LCORL: variants seen among roughly 807,000 people sequenced by gnomAD.
LCORL encodes the protein ligand-dependent nuclear receptor corepressor-like protein.
Under a neutral mutation model 141.8 loss-of-function variants are expected in LCORL, and 41 were observed. The ratio of observed to expected loss-of-function variants is 0.29; its 90% CI spans 0.23 to 0.38. The LOEUF is 0.38. Ranked by LOEUF, LCORL falls within the 10% of genes least tolerant of loss-of-function variation. LCORL has a pLI of 1.00. For missense variants in LCORL, 1,759 were observed against 2,035.0 expected (o/e 0.86, Z 2.61); for synonymous variants, 618 against 694.1 (o/e 0.89, Z 1.72).
At chr4:17,882,985 T>G (rs915240178) in intron 6 of LCORL, 106 of 941,262 alleles carry the variant, frequency 1.1e-4, no homozygotes, top group Non-Finnish European at 1.2e-4. Flanking sequence ...TACTCCATCT[T>G]ATTATATTAA....
intron 4 of LCORL, among the ~76,000 whole-genome samples, chr4:17,961,413 T>G (rs1713761562): frequency 6.6e-6 from 1 of 152,064 alleles, no homozygotes. Flanking sequence ...CATTGATTTT[T>G]TTAATGTCTA....
At chr4:17,984,376 C>A (rs187275959) in intron 1 of LCORL, among the ~76,000 whole-genome samples, 4 of 151,990 alleles carry the variant, frequency 2.6e-5, no homozygotes, top group African/African-American at 7.3e-5. Context: ...TGGTAGAATT[C>A]GGCTGTGAAT....
At chr4:17,996,516 T>C (rs996135955) in intron 1 of LCORL, among the ~76,000 whole-genome samples, 1 of 152,002 alleles carries the variant, frequency 6.6e-6, no homozygotes, top group Non-Finnish European at 1.5e-5. Context: ...AGAAGACTGA[T>C]AGTGAGTGAA....
At chr4:17,991,708 T>A (rs1208031197) in intron 1 of LCORL, among the ~76,000 whole-genome samples, 1 of 152,194 alleles carries the variant, frequency 6.6e-6, no homozygotes, top group African/African-American at 2.4e-5. Context: ...CCAAATTTAT[T>A]ACAAATAGAC....
intron 4 of LCORL, among the ~76,000 whole-genome samples, chr4:17,952,178 C>A (rs1006129574): frequency 6.6e-6 from 1 of 151,998 alleles, no homozygotes; most frequent in African/African-American, 2.4e-5. Flanking sequence ...TTACTGACTG[C>A]CATATTAGAG....
intron 6 of LCORL, among the ~76,000 whole-genome samples, chr4:17,878,552 G>A (rs1444516195): frequency 6.6e-6 from 1 of 151,190 alleles, no homozygotes; most frequent in Admixed American, 6.6e-5. Flanking sequence ...TTATGAAGTA[G>A]CCATTTTATA....
chr4:17,989,149 G>T (rs759869114), intron 1 of LCORL, among the ~76,000 whole-genome samples: 2 of 152,096 alleles, frequency 1.3e-5, no homozygotes, highest in Non-Finnish European at 2.9e-5. Flanking sequence ...AACGACAATT[G>T]TAATTCCTCT....
intron 1 of LCORL, among the ~76,000 whole-genome samples, chr4:17,986,947 C>T (rs1049750259): frequency 3.9e-5 from 6 of 151,900 alleles, no homozygotes; most frequent in African/African-American, 1.5e-4. Flanking sequence ...CACAGTTTAA[C>T]CTTTTTTTTG....
intron 1 of LCORL, among the ~76,000 whole-genome samples, chr4:17,983,782 C>T (rs990569498): frequency 1.2e-4 from 18 of 152,096 alleles, no homozygotes; most frequent in African/African-American, 3.6e-4. Context: ...CTGACTACTC[C>T]GGCCAGCATT....
intron 4 of LCORL, among the ~76,000 whole-genome samples, chr4:17,960,511 T>A (rs1435870336): frequency 6.6e-6 from 1 of 152,194 alleles, no homozygotes; most frequent in African/African-American, 2.4e-5. Flanking sequence ...TAAATGTGTA[T>A]ATTTCTTCCA....
chr4:17,852,535 GAGAA>G (rs1245274299), intron 7 of LCORL, among the ~76,000 whole-genome samples: 14 of 152,268 alleles, frequency 9.2e-5, no homozygotes, highest in African/African-American at 3.4e-4. Context: ...TTGGTGAAAA[GAGAA>G]AGAAGTGGGA....
chr4:17,990,983 T>A (rs545613274), intron 1 of LCORL, among the ~76,000 whole-genome samples: 23 of 151,958 alleles, frequency 1.5e-4, no homozygotes, highest in African/African-American at 4.3e-4. Context: ...AAAACTACCT[T>A]CAAAAAAATA....
At chr4:17,896,244 T>C (rs1729901117) in intron 5 of LCORL, among the ~76,000 whole-genome samples, 1 of 152,136 alleles carries the variant, frequency 6.6e-6, no homozygotes, top group African/African-American at 2.4e-5. Flanking sequence ...TGTGAAACAA[T>C]GTCTTTCTTT....
intron 2 of LCORL, among the ~76,000 whole-genome samples, chr4:17,963,755 C>T (rs1714324039): frequency 6.6e-6 from 1 of 151,700 alleles, no homozygotes; most frequent in Non-Finnish European, 1.5e-5. Flanking sequence ...ATAATATTGT[C>T]ATCCTAAATA....
intron 5 of LCORL, chr4:17,893,491 G>T (rs1729417989): frequency 3.0e-6 from 3 of 985,342 alleles, no homozygotes; most frequent in South Asian, 4.7e-5. Context: ...TAGGTCAGTG[G>T]GGCTGAGCAC....
chr4:18,018,269 T>A (rs1308697054), intron 1 of LCORL, among the ~76,000 whole-genome samples: 8 of 152,170 alleles, frequency 5.3e-5, no homozygotes, highest in Admixed American at 5.2e-4. Context: ...TTTCTCAATA[T>A]CATAGTTAGT....
exon 7 of LCORL, chr4:17,877,157 T>C (rs1467676104): frequency 2.4e-6 from 3 of 1,230,730 alleles, no homozygotes; most frequent in Non-Finnish European, 3.0e-6. Flanking sequence ...GCATTGCAAA[T>C]AAAGTTTCTT....
exon 8 of LCORL, chr4:17,845,072 AT>A (rs996880648): frequency 6.6e-6 from 1 of 152,282 alleles, no homozygotes; most frequent in African/African-American, 2.4e-5. Flanking sequence ...ACCACATAGT[AT>A]TTTTCTCTAT....
chr4:17,881,980 G>GAA (rs35105182), intron 6 of LCORL: 2,999 of 865,110 alleles, frequency 3.5e-3, no homozygotes, highest in South Asian at 8.3e-3. Context: ...TTCTTGGGGT[G>GAA]AAAAAAAAAA....
Sources: allele counts gnomAD v4.1 joint callset (sites outside exome capture counted in the v4.1 genomes callset), GRCh38; gene constraint gnomAD v4.1.1; transcripts MANE v1.5; gene names NCBI Gene and HGNC (gene_info 2026-07-23, HGNC 2026-07-21).